Variants in COL26A1 observed in about 807,000 individuals in gnomAD.
The protein encoded by COL26A1 is collagen alpha-1(XXVI) chain.
Under a neutral mutation model 59.3 loss-of-function variants are expected in COL26A1, and 41 were observed. That is an observed-to-expected ratio of 0.69 (90% CI 0.54 to 0.90). COL26A1 has a LOEUF of 0.90. Ranked by LOEUF, COL26A1 falls within the 40% of genes least tolerant of loss-of-function variation. The probability of loss-of-function intolerance (pLI) is 0.00; values close to 1 mark genes in which losing one functional copy is unlikely to be tolerated. For missense variants in COL26A1, 612 were observed against 602.3 expected (o/e 1.02, Z -0.17); for synonymous variants, 266 against 256.0 (o/e 1.04, Z -0.37).
At chr7:101,392,943 G>A (rs764292404) in intron 1 of COL26A1, among the ~76,000 whole-genome samples, 2 of 152,014 alleles carry the variant, frequency 1.3e-5, no homozygotes, top group Non-Finnish European at 2.9e-5. Context: ...TGGTAAAAGG[G>A]ACTGTTCAGA....
At chr7:101,463,901 C>CTTTCTTTCTTTCTTTCTTTCT (rs1156868835) in intron 3 of COL26A1, among the ~76,000 whole-genome samples, 16 of 34,208 alleles carry the variant, frequency 4.7e-4, no homozygotes, top group African/African-American at 1.9e-3. Context: ...TTCTTTCTTT[C>CTTTCTTTCTTTCTTTCTTTCT]TTTTTCTTTC....
At chr7:101,399,265 C>T (rs1791935185) in intron 1 of COL26A1, among the ~76,000 whole-genome samples, 1 of 152,070 alleles carries the variant, frequency 6.6e-6, no homozygotes, top group Non-Finnish European at 1.5e-5. Flanking sequence ...ATAATTGTGC[C>T]ACTGTACTCC....
intron 8 of COL26A1, 26 bp downstream of exon 8, chr7:101,547,265 A>C: frequency 4.6e-6 from 7 of 1,506,362 alleles, no homozygotes; most frequent in Non-Finnish European, 6.3e-6. Context: ...GCTGGCCTGC[A>C]TTGAGGACTC....
intron 3 of COL26A1, among the ~76,000 whole-genome samples, chr7:101,500,333 G>A (rs554501044): frequency 6.8e-4 from 103 of 152,290 alleles, no homozygotes; most frequent in Non-Finnish European, 1.2e-3. Flanking sequence ...CTCTTTGGAG[G>A]GACACCCCTA....
intron 2 of COL26A1, among the ~76,000 whole-genome samples, chr7:101,421,315 C>T (rs1451443438): frequency 2.6e-5 from 4 of 152,122 alleles, no homozygotes; most frequent in African/African-American, 7.2e-5. Context: ...TTAAAGCCTT[C>T]GACTGATTGG....
rs944874500 is a variant in COL26A1 at position 101,425,717 on chromosome 7, G to A, written c.281+5618G>A. Among the ~76,000 whole-genome samples, 5 of 151,694 alleles carry A rather than the reference G, an allele frequency of 3.3e-5. No individual in the cohort carries two copies. In the East Asian group the frequency reaches 5.8e-4, roughly 18 times the overall value. Reference sequence around the variant, plus strand: ...GGGGTTTCACCATGTTGGCCATGTCGGTCTCGAACTCCTGAACTACCTCAA... The same window carrying A: ...GGGGTTTCACCATGTTGGCCATGTCAGTCTCGAACTCCTGAACTACCTCAA... On this transcript the variant is annotated intron_variant, in intron 2 of 12. Coordinates refer to ENST00000313669, the MANE Select transcript of COL26A1 (RefSeq NM_001278563.3).
At chr7:101,438,447 G>A (rs1792969554) in intron 2 of COL26A1, among the ~76,000 whole-genome samples, 1 of 151,588 alleles carries the variant, frequency 6.6e-6, no homozygotes, top group South Asian at 2.1e-4. Context: ...TGGGGTATAT[G>A]TGGAAAGATG....
rs114850969 is a variant in COL26A1, at chr7:101,505,726, G to A, written c.386-27356G>A. Among the ~76,000 whole-genome samples the A allele has an allele frequency of 2.0e-3, 300 of 152,308 alleles. 1 individual carries two copies. The highest frequency in any genetic ancestry group is 7.0e-3 in the African/African-American group (291 of 41,564). ...TTAGATGGTGCCCACCCAGATTGAG[G>A]GGGGTGGGGTCTGCCTTTCCCAGTC... On this transcript the variant is annotated intron_variant, in intron 3 of 12. Coordinates refer to ENST00000313669, the MANE Select transcript of COL26A1 (RefSeq NM_001278563.3).
Position 101,535,441 on chromosome 7 carries a change from C to G in COL26A1, c.447+2298C>G, listed in dbSNP as rs1795462097. On this transcript the variant is annotated intron_variant, in intron 4 of 12. Transcript: ENST00000313669. Reference sequence around the variant, plus strand: ...GTATTGTGGGTGTTAAAAGTCGCAGCTCTAGGGTAGGATGGCCACATTGCC... The same window carrying G: ...GTATTGTGGGTGTTAAAAGTCGCAGGTCTAGGGTAGGATGGCCACATTGCC... Among the ~76,000 whole-genome samples, 3 of 152,192 alleles carry G rather than the reference C, an allele frequency of 2.0e-5. 1 individual carries two copies. Among genetic ancestry groups the G allele is most frequent in the Admixed American group, 2.0e-4 (3 of 15,282 alleles).
intron 1 of COL26A1, among the ~76,000 whole-genome samples, chr7:101,377,525 C>T (rs190069216): frequency 6.6e-6 from 1 of 152,248 alleles, no homozygotes; most frequent in East Asian, 1.9e-4. Flanking sequence ...TGTCTGGACT[C>T]AAGTGATCCT....
chr7:101,445,975 G>A (rs1217767945), intron 2 of COL26A1, among the ~76,000 whole-genome samples: 1 of 149,534 alleles, frequency 6.7e-6, no homozygotes, highest in Non-Finnish European at 1.5e-5. Context: ...TTGAATCTGG[G>A]AGGCGGAGGT....
At chr7:101,527,203 C>T (rs953721085) in intron 3 of COL26A1, among the ~76,000 whole-genome samples, 5 of 152,072 alleles carry the variant, frequency 3.3e-5, no homozygotes. Flanking sequence ...ACTCCTGGGC[C>T]CAAGCGATCC....
chr7:101,411,672 G>A (rs1584384342), intron 1 of COL26A1, among the ~76,000 whole-genome samples: 1 of 152,290 alleles, frequency 6.6e-6, no homozygotes, highest in East Asian at 1.9e-4. Context: ...TTGGCATTGT[G>A]TGTACTGCAG....
chr7:101,503,534 C>T (rs1318840083), intron 3 of COL26A1, among the ~76,000 whole-genome samples: 2 of 152,162 alleles, frequency 1.3e-5, no homozygotes, highest in African/African-American at 4.8e-5. Context: ...AGGTGTACAT[C>T]ACCACACCTG....
chr7:101,429,589 C>CTTTTTTGTTTTTT (rs1792729838), intron 2 of COL26A1, among the ~76,000 whole-genome samples: 1 of 78,700 alleles, frequency 1.3e-5, no homozygotes, highest in African/African-American at 5.2e-5. Context: ...TTCTTTTTTA[C>CTTTTTTGTTTTTT]TTTTTTTTTT....
intron 9 of COL26A1, 91 bp downstream of exon 9, chr7:101,549,314 A>G (rs17135621): frequency 0.035 from 27,614 of 788,530 alleles, 602 homozygotes; most frequent in Middle Eastern, 0.11. Flanking sequence ...CCTTTTTACC[A>G]GCAAGAGTCA....
At chr7:101,540,515 G>A (rs1349068618) in intron 5 of COL26A1, among the ~76,000 whole-genome samples, 2 of 150,268 alleles carry the variant, frequency 1.3e-5, no homozygotes, top group East Asian at 3.9e-4. Flanking sequence ...TCCAGCCTGG[G>A]GGACAAGAGC....
chr7:101,371,244 ACT>A (rs1483292590), intron 1 of COL26A1, among the ~76,000 whole-genome samples: 1 of 152,008 alleles, frequency 6.6e-6, no homozygotes, highest in East Asian at 1.9e-4. Context: ...AGCTCAGCAG[ACT>A]CTGGGGAAGT....
intron 1 of COL26A1, among the ~76,000 whole-genome samples, chr7:101,375,391 G>A (rs1167019677): frequency 6.6e-6 from 1 of 151,998 alleles, no homozygotes; most frequent in Admixed American, 6.6e-5. Flanking sequence ...GAAGATGATG[G>A]ATTTCACAAA....
Sources: gnomAD v4.1 joint callset for allele counts (sites outside exome capture counted in the v4.1 genomes callset) on GRCh38, gnomAD v4.1.1 for gene constraint, MANE v1.5 for transcripts, NCBI Gene and HGNC (gene_info 2026-07-23, HGNC 2026-07-21) for gene names.